The following JAM3 variants were observed in gnomAD, a reference collection of about 807,000 sequenced individuals.
JAM3 encodes the protein junctional adhesion molecule 3.
In JAM3, 31 loss-of-function variants were observed where a neutral mutation model predicts 39.4. The ratio of observed to expected loss-of-function variants is 0.79; its 90% CI spans 0.59 to 1.06. The LOEUF is 1.06. Among genes scored for constraint, JAM3 ranks in the 50% least tolerant of loss-of-function variants. JAM3 has a pLI of 0.00. For missense variants in JAM3, 455 were observed against 391.4 expected, an observed-to-expected ratio of 1.16 and a Z score of -1.37; for synonymous variants, 182 against 148.7, an observed-to-expected ratio of 1.22 and a Z score of -1.63.
rs748052431 is a variant in JAM3 at position 134,149,204 on chromosome 11, G to T, written c.*23G>T. 6.2e-7 allele frequency: 1 copy of T among 1,613,708 alleles called. No individual in the cohort carries two copies. The highest frequency in any genetic ancestry group is 1.1e-5 in the South Asian group (1 of 91,058). On this transcript the variant is annotated 3_prime_UTR_variant, in exon 9 of 9. Coordinates refer to ENST00000299106, the MANE Select transcript of JAM3 (RefSeq NM_032801.5). ...TGAGACCCGCGGTGTGGCTGAGAGC[G>T]CACAGAGCGCACGTGCACATACCTC...
intron 1 of JAM3, among the ~76,000 whole-genome samples, chr11:134,111,163 A>C (rs1487181528): frequency 2.9e-5 from 1 of 34,888 alleles, no homozygotes; most frequent in Non-Finnish European, 4.9e-5. Flanking sequence ...TTTTTTTTTG[A>C]GATGGAGTCT....
At chr11:134,136,909 C>T (rs183719836) in intron 1 of JAM3, among the ~76,000 whole-genome samples, 5 of 152,038 alleles carry the variant, frequency 3.3e-5, no homozygotes, top group African/African-American at 7.2e-5. Flanking sequence ...GTCAGGAGAT[C>T]GAGACCATCC....
chr11:134,092,704 T>C (rs1360233718), intron 1 of JAM3, among the ~76,000 whole-genome samples: 1 of 135,976 alleles, frequency 7.4e-6, no homozygotes, highest in African/African-American at 2.8e-5. Flanking sequence ...TTATTCATCA[T>C]GTTCCACCTT....
At chr11:134,114,701 A>C (rs1000162874) in intron 1 of JAM3, among the ~76,000 whole-genome samples, 1 of 152,238 alleles carries the variant, frequency 6.6e-6, no homozygotes, top group African/African-American at 2.4e-5. Context: ...CACTGTGGTC[A>C]GAAAACAAAC....
At chr11:134,124,053 T>C (rs1430383119) in intron 1 of JAM3, 5 of 1,445,348 alleles carry the variant, frequency 3.5e-6, no homozygotes, top group Non-Finnish European at 4.9e-6. Flanking sequence ...GCCACCTGGC[T>C]CTTCACAGAA....
intron 1 of JAM3, among the ~76,000 whole-genome samples, chr11:134,080,296 C>T (rs1216846449): frequency 3.3e-5 from 5 of 152,262 alleles, no homozygotes; most frequent in South Asian, 4.1e-4. Context: ...CTTGGGGTAA[C>T]GTCAGTGAAA....
chr11:134,114,044 GT>G, intron 1 of JAM3, among the ~76,000 whole-genome samples: 1 of 151,800 alleles, frequency 6.6e-6, no homozygotes, highest in East Asian at 1.9e-4. Context: ...GGGTTTGTTT[GT>G]TTTTTTCTTG....
chr11:134,118,925 C>G (rs1041912878), intron 1 of JAM3, among the ~76,000 whole-genome samples: 2 of 150,528 alleles, frequency 1.3e-5, no homozygotes, highest in Non-Finnish European at 2.9e-5. Flanking sequence ...GAGTTTTACT[C>G]TGGTGTTATC....
intron 6 of JAM3, 31 bp downstream of exon 6, chr11:134,146,076 C>T (rs563938968): frequency 4.4e-6 from 6 of 1,370,454 alleles, no homozygotes; most frequent in South Asian, 1.2e-5. Context: ...GGTTTCATCG[C>T]AAGACTGGGA....
chr11:134,107,330 TGTG>T (rs1279547483), intron 1 of JAM3, among the ~76,000 whole-genome samples: 2 of 151,836 alleles, frequency 1.3e-5, no homozygotes, highest in African/African-American at 4.8e-5. Flanking sequence ...CAGGACCTGT[TGTG>T]GGGTTGGGAG....
At chr11:134,106,671 G>T (rs968998424) in intron 1 of JAM3, among the ~76,000 whole-genome samples, 5 of 152,192 alleles carry the variant, frequency 3.3e-5, no homozygotes, top group Non-Finnish European at 7.3e-5. Context: ...AATGGGCAAA[G>T]AATATGAACA....
intron 1 of JAM3, among the ~76,000 whole-genome samples, chr11:134,134,467 TAAAAC>T (rs1942827365): frequency 1.2e-5 from 1 of 83,844 alleles, no homozygotes; most frequent in South Asian, 3.5e-4. Flanking sequence ...CAAAGATAAA[TAAAAC>T]ATAAGAAGAC....
chr11:134,090,697 G>A (rs1427701073), intron 1 of JAM3, among the ~76,000 whole-genome samples: 2 of 151,942 alleles, frequency 1.3e-5, no homozygotes, highest in African/African-American at 4.8e-5. Flanking sequence ...ATCTTTTCTC[G>A]GACAGCCATG....
intron 1 of JAM3, among the ~76,000 whole-genome samples, chr11:134,129,829 C>G (rs1942733381): frequency 6.6e-6 from 1 of 152,128 alleles, no homozygotes; most frequent in South Asian, 2.1e-4. Context: ...CGGTGAAACC[C>G]CATCTCTACT....
chr11:134,130,393 G>T (rs1380322844), intron 1 of JAM3, among the ~76,000 whole-genome samples: 1 of 151,964 alleles, frequency 6.6e-6, no homozygotes, highest in East Asian at 1.9e-4. Context: ...AACTTCTTGG[G>T]TTCTTAGGTA....
intron 1 of JAM3, among the ~76,000 whole-genome samples, chr11:134,078,052 C>T (rs1457192774): frequency 1.3e-5 from 2 of 152,122 alleles, no homozygotes; most frequent in Admixed American, 6.5e-5. Context: ...TTAAAAATCT[C>T]AGGCTCTGCT....
chr11:134,106,079 T>C (rs900471355), intron 1 of JAM3, among the ~76,000 whole-genome samples: 6 of 152,186 alleles, frequency 3.9e-5, no homozygotes, highest in African/African-American at 1.4e-4. Flanking sequence ...GGAGGCATCA[T>C]GCTACCTGAC....
chr11:134,097,678 T>C (rs538823578), intron 1 of JAM3, among the ~76,000 whole-genome samples: 2 of 152,304 alleles, frequency 1.3e-5, no homozygotes, highest in African/African-American at 4.8e-5. Flanking sequence ...TTATGTTTCA[T>C]TTAAACTAAC....
rs533602371 is a variant in JAM3, at chr11:134,143,405, A to T, written c.257-836A>T. On this transcript the variant is annotated intron_variant, in intron 3 of 8. Transcript: ENST00000299106. ...TCAAATTTTATGTCCATTTAAAAAT[A>T]TTTTTTTTTCTAGAAACAGGATCTC... Among the ~76,000 whole-genome samples the T allele has an allele frequency of 2.6e-5, 4 of 151,700 alleles. No individual in the cohort carries two copies. The East Asian group carries it at 5.8e-4, about 22-fold the overall frequency.
Sources: gnomAD v4.1 joint callset for allele counts (sites outside exome capture counted in the v4.1 genomes callset) on GRCh38, gnomAD v4.1.1 for gene constraint, MANE v1.5 for transcripts, NCBI Gene and HGNC (gene_info 2026-07-23, HGNC 2026-07-21) for gene names.